The following MAP4 variants were observed in gnomAD, a reference collection of about 807,000 sequenced individuals.
MAP4 encodes microtubule associated protein 4.
MAP4 carries 76 observed loss-of-function variants against 170.2 expected under a neutral mutation model. The observed-to-expected ratio is 0.45, with a 90% CI of 0.37 to 0.54. The LOEUF is 0.54. Among genes scored for constraint, MAP4 ranks in the 20% least tolerant of loss-of-function variants. MAP4 has a pLI of 0.00. For missense variants in MAP4, 2,506 were observed against 2,748.0 expected (o/e 0.91, Z 1.97); for synonymous variants, 909 against 994.5 (o/e 0.91, Z 1.62).
intron 9 of MAP4, among the ~76,000 whole-genome samples, chr3:47,905,932 T>G (rs1403984463): frequency 1.3e-5 from 2 of 151,976 alleles, no homozygotes; most frequent in Non-Finnish European, 2.9e-5. Flanking sequence ...AGGTGGAGGT[T>G]GCAGTGAGCC....
chr3:48,032,629 C>T (rs1346060864), intron 1 of MAP4, among the ~76,000 whole-genome samples: 4 of 152,136 alleles, frequency 2.6e-5, no homozygotes, highest in Non-Finnish European at 4.4e-5. Flanking sequence ...TGTGGCACTG[C>T]ACTCCAGCCT....
intron 3 of MAP4, among the ~76,000 whole-genome samples, chr3:47,937,247 TAGAC>T (rs1440952496): frequency 6.6e-6 from 1 of 152,184 alleles, no homozygotes; most frequent in African/African-American, 2.4e-5. Context: ...CAGCAGTTAT[TAGAC>T]AGATGAAATA....
intron 3 of MAP4, among the ~76,000 whole-genome samples, chr3:47,931,270 A>G (rs989567477): frequency 2.0e-5 from 3 of 152,034 alleles, no homozygotes; most frequent in African/African-American, 7.2e-5. Flanking sequence ...AGTTTCAGCT[A>G]CTCAGGATGC....
intron 8 of MAP4, among the ~76,000 whole-genome samples, chr3:47,914,249 T>C (rs377099947): frequency 5.3e-5 from 8 of 152,252 alleles, no homozygotes; most frequent in Admixed American, 4.6e-4. Flanking sequence ...TTGGGTGTCC[T>C]TTCTTCACTA....
intron 12 of MAP4, among the ~76,000 whole-genome samples, chr3:47,874,566 C>G (rs2094603999): frequency 6.6e-6 from 1 of 152,200 alleles, no homozygotes; most frequent in Non-Finnish European, 1.5e-5. Context: ...TCACTAGACA[C>G]CTCTCCTTCC....
intron 1 of MAP4, among the ~76,000 whole-genome samples, chr3:48,008,559 G>A (rs928875079): frequency 3.3e-5 from 5 of 152,226 alleles, no homozygotes; most frequent in Admixed American, 2.6e-4. Context: ...GACTTGGAAG[G>A]AGCATGATTG....
At chr3:47,908,541 G>A (rs2100034349) in intron 9 of MAP4, among the ~76,000 whole-genome samples, 1 of 152,118 alleles carries the variant, frequency 6.6e-6, no homozygotes, top group East Asian at 1.9e-4. Context: ...TAAGGAGGTG[G>A]ACTGATTTCA....
intron 2 of MAP4, among the ~76,000 whole-genome samples, chr3:47,990,533 T>C (rs1055231711): frequency 1.3e-5 from 2 of 152,336 alleles, no homozygotes; most frequent in Admixed American, 1.3e-4. Context: ...AAAGGCCTTA[T>C]GGAATGTTGA....
intron 1 of MAP4, among the ~76,000 whole-genome samples, chr3:48,026,706 C>T (rs746415891): frequency 6.6e-6 from 1 of 152,132 alleles, no homozygotes; most frequent in African/African-American, 2.4e-5. Flanking sequence ...TTTGCTGTTA[C>T]AGTAATTAAG....
chr3:48,086,152 T>A (rs932809271), intron 1 of MAP4, among the ~76,000 whole-genome samples: 9 of 148,386 alleles, frequency 6.1e-5, no homozygotes, highest in East Asian at 2.0e-4. Flanking sequence ...ATACACACAC[T>A]CACACACACA....
At chr3:47,948,205 G>A (rs1008875787) in intron 3 of MAP4, among the ~76,000 whole-genome samples, 2 of 151,192 alleles carry the variant, frequency 1.3e-5, no homozygotes, top group African/African-American at 4.9e-5. Flanking sequence ...CGCCATGTTG[G>A]GAAGGCTGGT....
Position 47,951,320 on chromosome 3 carries a change from CCCTCTCCCT to C in MAP4, c.293-22979_293-22971del, listed in dbSNP as rs567507229. ...TTTTAAAAAATTGGTCAGACCCTCT[CCCTCTCCCT>C]CCTCTCCCTCCTCTCCCTCTCCCCA... On this transcript the variant is annotated intron_variant, in intron 3 of 20. Transcript: ENST00000683076. Among the ~76,000 whole-genome samples the C allele has an allele frequency of 6.5e-3, 994 of 152,034 alleles. 7 individuals are homozygous for C. Among genetic ancestry groups the C allele is most frequent in the Non-Finnish European group, 8.0e-3 (546 of 67,974 alleles).
intron 10 of MAP4, among the ~76,000 whole-genome samples, chr3:47,886,233 T>C (rs2097566828): frequency 6.6e-6 from 1 of 152,206 alleles, no homozygotes; most frequent in Non-Finnish European, 1.5e-5. Flanking sequence ...AGAAACTGCT[T>C]TCTCTCTCCC....
Position 47,912,049 on chromosome 3 carries a change from T to A in MAP4, c.2372A>T (p.Asp791Val). The A allele has an allele frequency of 6.5e-7, 1 of 1,536,190 alleles. No individual in the cohort carries two copies. Among genetic ancestry groups the A allele is most frequent in the East Asian group, 2.4e-5 (1 of 40,928 alleles). Residue 791 changes from aspartate to valine, a missense_variant, in exon 9 of 21, where the codon GAT becomes GTT. Coordinates refer to ENST00000683076, the MANE Select transcript of MAP4 (RefSeq NM_001385682.1). ...ACCTTTAGGCTTATCTGCATTGTCA[T>A]CATCCGAAGGTCCTCCAGCCCGTGG... ...SQPRAGGPSD[D>V]DNADKPKGHP... is the part of the protein sequence containing the mutation.
chr3:47,988,596 T>C (rs1198892255), intron 2 of MAP4, among the ~76,000 whole-genome samples: 1 of 152,222 alleles, frequency 6.6e-6, no homozygotes, highest in Non-Finnish European at 1.5e-5. Flanking sequence ...TGAAATATTT[T>C]ACAAACTCAT....
chr3:48,086,070 GTGTGTGTATATGTATGTA>G (rs2100148836), intron 1 of MAP4, among the ~76,000 whole-genome samples: 1 of 150,722 alleles, frequency 6.6e-6, no homozygotes, highest in African/African-American at 2.4e-5. Context: ...ATATATATAT[GTGTGTGTATATGTATGTA>G]TGTGTGTATA....
chr3:47,934,505 T>A (rs1427285853), intron 3 of MAP4, among the ~76,000 whole-genome samples: 1 of 152,192 alleles, frequency 6.6e-6, no homozygotes, highest in Non-Finnish European at 1.5e-5. Context: ...TTTCACCATG[T>A]TACCTAGGCT....
intron 1 of MAP4, among the ~76,000 whole-genome samples, chr3:48,004,296 C>T (rs986185802): frequency 2.0e-5 from 3 of 152,066 alleles, no homozygotes; most frequent in Admixed American, 2.0e-4. Context: ...TAGTCCTTGG[C>T]GTGAACTATT....
chr3:47,858,747 G>C (rs1339507620), intron 17 of MAP4, among the ~76,000 whole-genome samples: 1 of 151,852 alleles, frequency 6.6e-6, no homozygotes, highest in East Asian at 1.9e-4. Context: ...GAGGCAGGCA[G>C]ATCACCTGTG....
Sources: gnomAD v4.1 joint callset for allele counts (sites outside exome capture counted in the v4.1 genomes callset) on GRCh38, gnomAD v4.1.1 for gene constraint, MANE v1.5 for transcripts, NCBI Gene and HGNC (gene_info 2026-07-23, HGNC 2026-07-21) for gene names.